PSD: variants seen among roughly 807,000 people sequenced by gnomAD.
The protein encoded by PSD is PH and SEC7 domain-containing protein 1.
A neutral mutation model predicts 91.6 loss-of-function variants in PSD; 32 were observed. That is an observed-to-expected ratio of 0.35 (90% CI 0.26 to 0.47). The LOEUF (loss-of-function observed/expected upper bound fraction) is 0.47. Ranked by LOEUF, PSD falls within the 20% of genes least tolerant of loss-of-function variation. The pLI, the probability that PSD is intolerant of heterozygous loss-of-function variation, is 1.00. For synonymous variants in PSD, 532 were observed against 569.3 expected (o/e 0.93, Z 0.93); for missense variants, 1,099 against 1,373.9 (o/e 0.80, Z 3.16).
rs1271833076 is a variant in PSD, at chr10:102,412,074, C to T, written c.1829+73G>A. 3 of 1,470,786 alleles carry T rather than the reference C, an allele frequency of 2.0e-6. No homozygotes were observed. The East Asian group carries it at 6.8e-5, about 33-fold the overall frequency. The allele number at this position is 1,470,786 out of a possible 1,614,324, so 91.1% of individuals were successfully genotyped here. ...ACGGCTTGTGGGGGACAGAGGGGCT[C>T]AAAGGAGGCATCCTGGGGCCCTAAC... On this transcript the variant is annotated intron_variant, in intron 7 of 16. Coordinates refer to ENST00000020673, the MANE Select transcript of PSD (RefSeq NM_002779.5).
intron 10 of PSD, among the ~76,000 whole-genome samples, chr10:102,408,135 C>G (rs571704533): frequency 6.6e-6 from 1 of 152,192 alleles, no homozygotes; most frequent in Non-Finnish European, 1.5e-5. Flanking sequence ...GGGGTACTTC[C>G]GTCAGCCTGT....
chr10:102,410,769 C>T lies in PSD; in HGVS notation c.2091+89G>A, dbSNP rs2061417114. On this transcript the variant is annotated intron_variant, in intron 10 of 16. Transcript: ENST00000020673. The surrounding 1 kb of genome is among the most constrained non-coding windows in gnomAD (Gnocchi z 6.0). ...GGAGCCGGGGGTCGGCAAGCCCCAG[C>T]CCTGCCCTCCCTCCGACTCTGGACT... is the stretch of plus-strand genomic sequence containing the variant. The T allele has an allele frequency of 2.0e-6, 2 of 992,268 alleles. No homozygotes were observed. The allele number at this position is 992,268 out of a possible 1,614,324, so 61.5% of individuals were successfully genotyped here. A position where few individuals can be genotyped will look rare whatever the true frequency, so the allele number is the denominator to read the frequency against.
At chr10:102,415,318 A>G in intron 3 of PSD, 89 bp from the exon 4 acceptor site, 3 of 1,426,254 alleles carry the variant, frequency 2.1e-6, no homozygotes, top group East Asian at 2.4e-5. Flanking sequence ...CCACTGCCTC[A>G]TATTGACAGG....
chr10:102,408,237 T>C (rs1359973755), intron 10 of PSD, among the ~76,000 whole-genome samples: 1 of 152,196 alleles, frequency 6.6e-6, no homozygotes, highest in Non-Finnish European at 1.5e-5. Flanking sequence ...AGTGGTGACG[T>C]AGGCACCTTC....
At position 102,416,361 on chromosome 10, in the gene PSD, G is replaced by T; in HGVS notation, c.654+24C>A. 6.3e-7 allele frequency: 1 copy of T among 1,579,774 alleles called. No homozygotes were observed. The highest frequency in any genetic ancestry group is 2.3e-5 in the East Asian group (1 of 43,664). On this transcript the variant is annotated intron_variant, in intron 2 of 16. Coordinates refer to ENST00000020673, the MANE Select transcript of PSD (RefSeq NM_002779.5). The surrounding 1 kb of genome is among the most constrained non-coding windows in gnomAD (Gnocchi z 6.0). ...GCCTTGCCCCTTCACTGGGGGCCCA[G>T]GGAGCCCAGGGGAAGTTGCATACCT...
rs142273937 is a variant in PSD at position 102,403,397 on chromosome 10, G to A, written c.2878C>T (p.Arg960Trp). 287 of 1,612,930 alleles carry A rather than the reference G, an allele frequency of 1.8e-4. No homozygotes were observed. Among genetic ancestry groups the A allele is most frequent in the Middle Eastern group, 3.3e-4 (2 of 6,084 alleles). The change falls in exon 17 of 17, where the codon CGG becomes TGG. Residue 960 changes from arginine (R) to tryptophan (W), a missense_variant. Transcript: ENST00000020673. The surrounding 1 kb of genome is among the most constrained non-coding windows in gnomAD (Gnocchi z 6.7). Reference protein sequence around the residue: ...SRYSTYAALLRVKLKAGSEEL... With the variant: ...SRYSTYAALLWVKLKAGSEEL... ...TCACTGCCTGCCTTCAGCTTGACCC[G>A]AAGCAGCGCTGCATAGGTGCTGTAG...
rs1330598921 is a variant in PSD at position 102,418,689 on chromosome 10, C to G, written c.-84+12G>C. On this transcript the variant is annotated intron_variant, in intron 1 of 16. Coordinates refer to ENST00000020673, the MANE Select transcript of PSD (RefSeq NM_002779.5). ...CGGTGCAGCCCCAACTCAATGCCACCTCAGTACTCACCGCTGCTCGCCCAG... is the reference window on the plus strand; with the variant it reads ...CGGTGCAGCCCCAACTCAATGCCACGTCAGTACTCACCGCTGCTCGCCCAG... The G allele has an allele frequency of 2.2e-6, 1 of 455,906 alleles. No homozygotes were observed. The highest frequency in any genetic ancestry group is 1.5e-5 in the South Asian group (1 of 64,562). 28.2% of individuals were successfully genotyped at this position (455,906 alleles called of 1,614,324 possible). A position where few individuals can be genotyped will look rare whatever the true frequency, so the allele number is the denominator to read the frequency against.
chr10:102,414,253 G>A lies in PSD; in HGVS notation c.1125-56C>T. The A allele has an allele frequency of 6.9e-7, 1 of 1,444,754 alleles. No homozygotes were observed. The highest frequency in any genetic ancestry group is 9.5e-7 in the Non-Finnish European group (1 of 1,057,368). The allele number at this position is 1,444,754 out of a possible 1,614,324, so 89.5% of individuals were successfully genotyped here. A position where few individuals can be genotyped will look rare whatever the true frequency, so the allele number is the denominator to read the frequency against. On this transcript the variant is annotated intron_variant, in intron 4 of 16. Coordinates refer to ENST00000020673, the MANE Select transcript of PSD (RefSeq NM_002779.5). This position sits in a 1 kb window ranked among gnomAD's most constrained non-coding sequence, Gnocchi z 5.6. The stretch of plus-strand genomic sequence containing the variant: ...GGCCCAGATCACAGGGCTGGGGCAG[G>A]ATTTCACTGAACTCTCACACTGACT...
chr10:102,413,619 A>C, intron 5 of PSD, 150 bp downstream of exon 5: 3 of 744,546 alleles, frequency 4.0e-6, no homozygotes, highest in Non-Finnish European at 6.5e-6. Flanking sequence ...GTAGTCCTCC[A>C]AATAGGAAAA....
chr10:102,410,789 T>G lies in PSD; in HGVS notation c.2091+69A>C. ...CCCAGCCCTGCCCTCCCTCCGACTC[T>G]GGACTCCGTCGCCGACTGGGTCCTC... On this transcript the variant is annotated intron_variant, in intron 10 of 16. Coordinates refer to ENST00000020673, the MANE Select transcript of PSD (RefSeq NM_002779.5). The surrounding 1 kb of genome is among the most constrained non-coding windows in gnomAD (Gnocchi z 6.0). The G allele has an allele frequency of 8.9e-7, 1 of 1,118,006 alleles. No individual in the cohort carries two copies. The highest frequency in any genetic ancestry group is 2.5e-5 in the East Asian group (1 of 40,274). The allele number at this position is 1,118,006 out of a possible 1,614,324, so 69.3% of individuals were successfully genotyped here. A position where few individuals can be genotyped will look rare whatever the true frequency, so the allele number is the denominator to read the frequency against.
upstream of PSD, chr10:102,419,195 T>C (rs967358222): frequency 1.4e-5 from 3 of 219,520 alleles, no homozygotes; most frequent in African/African-American, 4.6e-5. This position sits in a 1 kb window ranked among gnomAD's most constrained non-coding sequence, Gnocchi z 4.8. Flanking sequence ...AAGCACACGG[T>C]ATGGGTGTAG....
Position 102,402,747 on chromosome 10 carries a change from C to T in PSD, c.*453G>A, listed in dbSNP as rs1171656816. 1.1e-5 allele frequency: 3 copies of T among 269,428 alleles called. No homozygotes were observed. Among genetic ancestry groups the T allele is most frequent in the African/African-American group, 6.6e-5 (3 of 45,536 alleles). The allele number at this position is 269,428 out of a possible 1,614,324, so 16.7% of individuals were successfully genotyped here. A position where few individuals can be genotyped will look rare whatever the true frequency, so the allele number is the denominator to read the frequency against. On this transcript the variant is annotated 3_prime_UTR_variant, in exon 17 of 17. Coordinates refer to ENST00000020673, the MANE Select transcript of PSD (RefSeq NM_002779.5). Reference sequence around the variant, plus strand: ...CCTTGGCATGGACGCCCTTCCTCCACCTCCAGCAAGAGAAAGAGTAAGCCC... The same window carrying T: ...CCTTGGCATGGACGCCCTTCCTCCATCTCCAGCAAGAGAAAGAGTAAGCCC...
Position 102,414,230 on chromosome 10 carries a change from C to T in PSD, c.1125-33G>A. On this transcript the variant is annotated intron_variant, in intron 4 of 16. Transcript: ENST00000020673. This position sits in a 1 kb window ranked among gnomAD's most constrained non-coding sequence, Gnocchi z 5.6. The stretch of plus-strand genomic sequence containing the variant: ...GGCAGGGAGAATCTCTGATTAGGGG[C>T]CCAGATCACAGGGCTGGGGCAGGAT... 3.9e-6 allele frequency: 6 copies of T among 1,556,266 alleles called. No individual in the cohort carries two copies. The highest frequency in any genetic ancestry group is 5.2e-6 in the Non-Finnish European group (6 of 1,145,502).
rs1462895297 is a variant in PSD, at chr10:102,404,432, G to C, written c.2700+151C>G. On this transcript the variant is annotated intron_variant, in intron 15 of 16. Transcript: ENST00000020673. The surrounding 1 kb of genome is among the most constrained non-coding windows in gnomAD (Gnocchi z 5.7). ...TCCCAGCCGGCAAGCGGGACCCAGT[G>C]GGGGCTGGATTTCAGTCCCTGCTCA... The C allele has an allele frequency of 2.7e-5, 27 of 993,762 alleles. No individual in the cohort carries two copies. Among genetic ancestry groups the C allele is most frequent in the Non-Finnish European group, 3.6e-5 (26 of 712,664 alleles). The allele number at this position is 993,762 out of a possible 1,614,324, so 61.6% of individuals were successfully genotyped here. A position where few individuals can be genotyped will look rare whatever the true frequency, so the allele number is the denominator to read the frequency against.
chr10:102,419,021 C>A (rs936288599), upstream of PSD: 5 of 321,814 alleles, frequency 1.6e-5, no homozygotes, highest in Non-Finnish European at 3.1e-5. This position sits in a 1 kb window ranked among gnomAD's most constrained non-coding sequence, Gnocchi z 4.8. Flanking sequence ...TGCCCCACCC[C>A]ACTTGTGTCC....
Position 102,416,647 on chromosome 10 carries a change from C to T in PSD, c.392G>A (p.Gly131Glu), listed in dbSNP as rs1214538080. 2 of 1,608,856 alleles carry T rather than the reference C, an allele frequency of 1.2e-6. No homozygotes were observed. The highest frequency in any genetic ancestry group is 1.7e-6 in the Non-Finnish European group (2 of 1,177,908). ...GGLSRSWDLG[G>E]VSPPRPTPAL... ...TGGGGTGGGCCTGGGAGGAGAAACC[C>T]CACCCAGATCCCAGCTCCGACTCAA... Residue 131 changes from glycine (G) to glutamate (E), a missense_variant, in exon 2 of 17, where the codon GGG becomes GAG. Transcript: ENST00000020673. This position sits in a 1 kb window ranked among gnomAD's most constrained non-coding sequence, Gnocchi z 6.0.
At chr10:102,407,185 G>T in intron 11 of PSD, 38 bp downstream of exon 11, 3 of 1,561,076 alleles carry the variant, frequency 1.9e-6, no homozygotes, top group Non-Finnish European at 2.6e-6. Flanking sequence ...CCTTCCCCAT[G>T]CCCCATCCTA....
At position 102,416,166 on chromosome 10, in the gene PSD, T is replaced by C. The variant is rs538944085; in HGVS notation, c.655-47A>G. On this transcript the variant is annotated intron_variant, in intron 2 of 16. Coordinates refer to ENST00000020673, the MANE Select transcript of PSD (RefSeq NM_002779.5). The surrounding 1 kb of genome is among the most constrained non-coding windows in gnomAD (Gnocchi z 6.0). ...AGGCACCCAGAGATAAAGCCAGACA[T>C]ACAAGGACACAAGAATATGGGACAG... The C allele has an allele frequency of 7.0e-7, 1 of 1,437,082 alleles. No individual in the cohort carries two copies. Among genetic ancestry groups the C allele is most frequent in the African/African-American group, 1.4e-5 (1 of 70,920 alleles). The allele number at this position is 1,437,082 out of a possible 1,614,324, so 89.0% of individuals were successfully genotyped here. A position where few individuals can be genotyped will look rare whatever the true frequency, so the allele number is the denominator to read the frequency against.
chr10:102,405,681 C>T lies in PSD; in HGVS notation c.2136-145G>A. Reference sequence around the variant, plus strand: ...GAGGGTCCTGCCATGTCTCCCGTCTCAGATCAGGCCTCCACAATGTGTAGC... The same window carrying T: ...GAGGGTCCTGCCATGTCTCCCGTCTTAGATCAGGCCTCCACAATGTGTAGC... On this transcript the variant is annotated intron_variant, in intron 11 of 16. Coordinates refer to ENST00000020673, the MANE Select transcript of PSD (RefSeq NM_002779.5). The surrounding 1 kb of genome is among the most constrained non-coding windows in gnomAD (Gnocchi z 5.4). 1 of 721,092 alleles carries T rather than the reference C, an allele frequency of 1.4e-6. No homozygotes were observed. Among genetic ancestry groups the T allele is most frequent in the Non-Finnish European group, 2.2e-6 (1 of 445,000 alleles). The allele number at this position is 721,092 out of a possible 1,614,324, so 44.7% of individuals were successfully genotyped here. A position where few individuals can be genotyped will look rare whatever the true frequency, so the allele number is the denominator to read the frequency against.
Sources: gnomAD v4.1 joint callset for allele counts (sites outside exome capture counted in the v4.1 genomes callset) on GRCh38, gnomAD v4.1.1 for gene constraint, Gnocchi (gnomAD v3.1) non-coding constraint, MANE v1.5 for transcripts, NCBI Gene and HGNC (gene_info 2026-07-23, HGNC 2026-07-21) for gene names.